Variants in FRMD4A observed in about 807,000 individuals in gnomAD.
FRMD4A encodes FERM domain containing 4A.
FRMD4A carries 29 observed loss-of-function variants against 129.1 expected under a neutral mutation model. The observed-to-expected ratio is 0.22, with a 90% CI of 0.17 to 0.31. FRMD4A has a LOEUF of 0.31. FRMD4A is among the 10% of genes least tolerant of loss of function. The pLI is 1.00. For synonymous variants in FRMD4A, 634 were observed against 571.6 expected (o/e 1.11, Z -1.56); for missense variants, 1,272 against 1,375.8 (o/e 0.92, Z 1.19).
intron 19 of FRMD4A, among the ~76,000 whole-genome samples, chr10:13,663,083 G>C (rs2134679854): frequency 6.6e-6 from 1 of 152,034 alleles, no homozygotes; most frequent in South Asian, 2.1e-4. Context: ...CCAGCTACTA[G>C]GGAGGCTGAG....
chr10:13,916,232 C>G (rs539300128), intron 2 of FRMD4A, among the ~76,000 whole-genome samples: 8 of 152,310 alleles, frequency 5.3e-5, no homozygotes, highest in African/African-American at 1.9e-4. Context: ...GAGCCCCGCT[C>G]AGCTCCATCA....
intron 15 of FRMD4A, among the ~76,000 whole-genome samples, chr10:13,686,594 C>A (rs1265220986): frequency 8.5e-5 from 13 of 152,136 alleles, no homozygotes. Context: ...GTGTCAGAGC[C>A]AGGGTACAAT....
At chr10:13,800,969 C>T (rs1274488583) in intron 4 of FRMD4A, among the ~76,000 whole-genome samples, 1 of 152,214 alleles carries the variant, frequency 6.6e-6, no homozygotes, top group East Asian at 1.9e-4. Flanking sequence ...AGAAAATGGG[C>T]CAGGTACAGT....
At chr10:14,124,755 C>A (rs2131816477) in intron 2 of FRMD4A, among the ~76,000 whole-genome samples, 1 of 152,256 alleles carries the variant, frequency 6.6e-6, no homozygotes, top group East Asian at 1.9e-4. Flanking sequence ...GTGGTACAAT[C>A]AAGATTGCAA....
At chr10:14,000,667 A>AAAAAAAAAAT (rs200369296) in intron 2 of FRMD4A, among the ~76,000 whole-genome samples, 1 of 106,826 alleles carries the variant, frequency 9.4e-6, no homozygotes, top group Non-Finnish European at 2.0e-5. Context: ...AAAAAAAAAA[A>AAAAAAAAAAT]AGAGAAGAAA....
chr10:13,831,625 T>C (rs1219073292), intron 3 of FRMD4A, among the ~76,000 whole-genome samples: 2 of 152,214 alleles, frequency 1.3e-5, no homozygotes, highest in Non-Finnish European at 2.9e-5. Context: ...TCCAACTTTC[T>C]GGACACCATG....
chr10:13,656,788 C>T lies in FRMD4A; in HGVS notation c.2801G>A (p.Arg934His), dbSNP rs199847871. ...GTGCTCCTTGTGCGAGGCGGTGGAA[C>T]GCTGGTACCACTGGCGCAGCTCGTC... ...VSDELRQWYQ[R>H]STASHKEHSR... The change falls in exon 22 of 25, where the codon CGT becomes CAT. Residue 934 changes from arginine to histidine, a missense_variant. Arg to His is a conservative substitution (Grantham distance 29). Around this residue, in one of 2 missense-constraint regions of FRMD4A, gnomAD observed 972 missense variants for 892.3 expected, o/e 1.09. Coordinates refer to ENST00000357447, the MANE Select transcript of FRMD4A (RefSeq NM_018027.5). 4 of 1,594,250 alleles carry T rather than the reference C, an allele frequency of 2.5e-6. No individual in the cohort carries two copies. Among genetic ancestry groups the T allele is most frequent in the East Asian group, 4.7e-5 (2 of 42,676 alleles).
intron 6 of FRMD4A, among the ~76,000 whole-genome samples, chr10:13,774,243 T>C (rs1348871579): frequency 6.6e-6 from 1 of 152,046 alleles, no homozygotes; most frequent in Non-Finnish European, 1.5e-5. Context: ...TGCTCTATTG[T>C]ATAAAGTAGG....
intron 17 of FRMD4A, among the ~76,000 whole-genome samples, chr10:13,669,139 G>A (rs2083309202): frequency 7.4e-6 from 1 of 135,698 alleles, no homozygotes; most frequent in Admixed American, 8.5e-5. Context: ...TTGGCTCACC[G>A]CAACCTCCGA....
At chr10:14,187,598 A>G (rs1034354147) in intron 2 of FRMD4A, among the ~76,000 whole-genome samples, 4 of 152,190 alleles carry the variant, frequency 2.6e-5, no homozygotes, top group Admixed American at 2.6e-4. Context: ...AGGGCAACAT[A>G]GTGAGACCCC....
chr10:13,684,939 T>C, intron 15 of FRMD4A: 1 of 985,160 alleles, frequency 1.0e-6, no homozygotes, highest in African/African-American at 1.7e-5. Flanking sequence ...AGGAAAAGTT[T>C]TGGCAGACAT....
At chr10:14,178,473 T>C (rs1841806204) in intron 2 of FRMD4A, among the ~76,000 whole-genome samples, 1 of 152,238 alleles carries the variant, frequency 6.6e-6, no homozygotes, top group South Asian at 2.1e-4. Flanking sequence ...TTATCACTTA[T>C]GATTTCCAAG....
chr10:14,085,098 G>T (rs1014999936), intron 2 of FRMD4A, among the ~76,000 whole-genome samples: 1 of 152,056 alleles, frequency 6.6e-6, no homozygotes, highest in Non-Finnish European at 1.5e-5. Flanking sequence ...TTCTTACAAA[G>T]GGAATCCCAC....
At chr10:13,877,195 G>A (rs2131105935) in intron 2 of FRMD4A, among the ~76,000 whole-genome samples, 1 of 152,268 alleles carries the variant, frequency 6.6e-6, no homozygotes, top group East Asian at 1.9e-4. Flanking sequence ...CCACCCTTGG[G>A]TCTTTGGTGG....
At chr10:14,020,666 ATTT>A (rs573003993) in intron 2 of FRMD4A, among the ~76,000 whole-genome samples, 1 of 147,440 alleles carries the variant, frequency 6.8e-6, no homozygotes, top group Non-Finnish European at 1.5e-5. Context: ...GGCAGCCCCA[ATTT>A]TTTTTTTTGT....
intron 2 of FRMD4A, among the ~76,000 whole-genome samples, chr10:13,908,164 TAAAAAAA>T: frequency 2.4e-5 from 1 of 41,118 alleles, no homozygotes; most frequent in Non-Finnish European, 4.2e-5. Context: ...AAACTCCATC[TAAAAAAA>T]AAAAAAAAAA....
At chr10:13,892,752 G>C (rs1268215345) in intron 2 of FRMD4A, among the ~76,000 whole-genome samples, 3 of 152,166 alleles carry the variant, frequency 2.0e-5, no homozygotes, top group African/African-American at 7.2e-5. Context: ...CACCATGGTT[G>C]ATCTAGTACT....
At chr10:14,296,857 A>G (rs1053609999) in intron 2 of FRMD4A, among the ~76,000 whole-genome samples, 13 of 152,116 alleles carry the variant, frequency 8.5e-5, no homozygotes, top group African/African-American at 2.9e-4. Flanking sequence ...CTTTCCCCCC[A>G]GTTCTCATCC....
intron 2 of FRMD4A, among the ~76,000 whole-genome samples, chr10:13,868,590 C>G (rs572180188): frequency 4.4e-4 from 67 of 152,238 alleles, no homozygotes; most frequent in African/African-American, 1.5e-3. Context: ...ATCATTTGAG[C>G]TCAGGAGTTT....
Sources: allele counts gnomAD v4.1 joint callset (sites outside exome capture counted in the v4.1 genomes callset), GRCh38; gene constraint gnomAD v4.1.1; regional missense constraint gnomAD v4.1.1; transcripts MANE v1.5; gene names NCBI Gene and HGNC (gene_info 2026-07-23, HGNC 2026-07-21).